Variants in TANGO2 observed in about 807,000 individuals in gnomAD.
TANGO2 encodes the protein transport and golgi organization 2 homolog.
TANGO2 carries 26 observed loss-of-function variants against 39.1 expected under a neutral mutation model. The observed-to-expected ratio is 0.67, with a 90% CI of 0.49 to 0.92. TANGO2 has a LOEUF of 0.92. TANGO2 is among the 40% of genes least tolerant of loss of function. The pLI is 0.00. For synonymous variants in TANGO2, 131 were observed against 144.5 expected (o/e 0.91, Z 0.67); for missense variants, 326 against 360.1 (o/e 0.91, Z 0.77).
intron 3 of TANGO2, among the ~76,000 whole-genome samples, chr22:20,050,412 A>G (rs2046105924): frequency 2.4e-5 from 3 of 123,424 alleles, no homozygotes. Context: ...TGCCCAGGCT[A>G]GAGTGCAATG....
chr22:20,041,503 G>A (rs893888298), intron 2 of TANGO2, among the ~76,000 whole-genome samples: 1 of 152,034 alleles, frequency 6.6e-6, no homozygotes, highest in African/African-American at 2.4e-5. Flanking sequence ...TAGTAGAGAC[G>A]GGGTTTTACC....
intron 3 of TANGO2, among the ~76,000 whole-genome samples, chr22:20,045,737 A>G (rs1316909133): frequency 1.3e-5 from 2 of 152,048 alleles, no homozygotes; most frequent in Non-Finnish European, 2.9e-5. Flanking sequence ...TCCCGACCTC[A>G]GGTGATCCGC....
intron 3 of TANGO2, among the ~76,000 whole-genome samples, chr22:20,048,924 C>A (rs912835190): frequency 6.6e-6 from 1 of 152,146 alleles, no homozygotes; most frequent in East Asian, 1.9e-4. Flanking sequence ...GGATTACAGG[C>A]GTGAGCCACT....
chr22:20,063,103 C>A, intron 7 of TANGO2: 1 of 466,074 alleles, frequency 2.1e-6, no homozygotes, highest in Non-Finnish European at 3.8e-6. Flanking sequence ...TTGCAGTGAG[C>A]CAAGATCGTA....
chr22:20,055,970 C>T lies in TANGO2; in HGVS notation c.408C>T (p.Tyr136=), dbSNP rs2047252228. The T allele has an allele frequency of 1.9e-6, 3 of 1,614,134 alleles. No individual in the cohort carries two copies. In the East Asian group the frequency reaches 6.7e-5, roughly 36 times the overall value. ...LSTAKGDVIC[Y]YGNRGEPDPI... is the part of the protein sequence containing the mutation. ...CAGCAAAGGGAGACGTCATTTGCTA[C>T]TATGGGAACCGAGGGGAGCCTGATC... Residue 136 remains tyrosine (Y), a synonymous_variant, in exon 6 of 9, where the codon TAC becomes TAT. Transcript: ENST00000327374.
At chr22:20,021,579 G>T (rs2039684729) in intron 1 of TANGO2, among the ~76,000 whole-genome samples, 2 of 152,230 alleles carry the variant, frequency 1.3e-5, no homozygotes, top group South Asian at 4.1e-4. Context: ...CCTGCTGCGG[G>T]CCAGCAGGGT....
chr22:20,039,335 C>T (rs912967469), intron 2 of TANGO2, among the ~76,000 whole-genome samples: 18 of 151,958 alleles, frequency 1.2e-4, no homozygotes, highest in Non-Finnish European at 2.2e-4. Context: ...TCTTTCAAAA[C>T]TGCCTGTTTA....
At chr22:20,030,030 G>T (rs2531722) in intron 1 of TANGO2, among the ~76,000 whole-genome samples, 1 of 152,106 alleles carries the variant, frequency 6.6e-6, no homozygotes, top group Non-Finnish European at 1.5e-5. Flanking sequence ...GCTCCAGGAG[G>T]CAGTGGTACA....
rs544274351 is a variant in TANGO2 at position 20,064,804 on chromosome 22, C to T, written c.*142C>T. On this transcript the variant is annotated 3_prime_UTR_variant, in exon 9 of 9. Coordinates refer to ENST00000327374, the MANE Select transcript of TANGO2 (RefSeq NM_152906.7). ...CCCCGGATCAGGGCCCTGTGGTTTG[C>T]GTGTTACCCATCTGTGTCCCCATGC... 23 of 1,075,000 alleles carry T rather than the reference C, an allele frequency of 2.1e-5. No individual in the cohort carries two copies. The highest frequency in any genetic ancestry group is 1.9e-4 in the Admixed American group (7 of 36,028). 66.6% of individuals were successfully genotyped at this position (1,075,000 alleles called of 1,614,324 possible).
intron 4 of TANGO2, 136 bp downstream of exon 4, chr22:20,052,720 G>A: frequency 8.6e-7 from 1 of 1,167,542 alleles, no homozygotes; most frequent in South Asian, 1.5e-5. Flanking sequence ...GAAGTGCCAA[G>A]GTGCTTGTGC....
At chr22:20,027,781 TTTA>T (rs2041066429) in intron 1 of TANGO2, among the ~76,000 whole-genome samples, 2 of 151,700 alleles carry the variant, frequency 1.3e-5, no homozygotes, top group Non-Finnish European at 2.9e-5. Context: ...CTAATTTTAT[TTTA>T]TTATTATTTA....
intron 1 of TANGO2, among the ~76,000 whole-genome samples, chr22:20,033,905 GCTTCCT>G: frequency 6.6e-6 from 1 of 152,214 alleles, no homozygotes; most frequent in African/African-American, 2.4e-5. Flanking sequence ...TTCTAAAATA[GCTTCCT>G]AAGAGTTCTT....
At chr22:20,056,533 G>A (rs189907760) in intron 6 of TANGO2, 76 of 456,782 alleles carry the variant, frequency 1.7e-4, no homozygotes, top group Non-Finnish European at 2.9e-4. Flanking sequence ...GGCCCTTCCT[G>A]CCCTGGCTCT....
chr22:20,033,180 C>G (rs1338434378), intron 1 of TANGO2: 2 of 520,588 alleles, frequency 3.8e-6, no homozygotes, highest in Non-Finnish European at 7.9e-6. Context: ...CCTGATGGTC[C>G]CCTCCCCAGG....
chr22:20,051,730 G>T (rs2046377529), intron 3 of TANGO2, among the ~76,000 whole-genome samples: 1 of 151,848 alleles, frequency 6.6e-6, no homozygotes, highest in Non-Finnish European at 1.5e-5. Context: ...GTACCTGCCT[G>T]TGGTCCCAGC....
chr22:20,064,030 C>G (rs1456331351), intron 8 of TANGO2, among the ~76,000 whole-genome samples: 4 of 152,210 alleles, frequency 2.6e-5, no homozygotes, highest in African/African-American at 9.6e-5. Flanking sequence ...AAGCCCACGG[C>G]AGAGAGGGTT....
chr22:20,052,813 A>C (rs929844270), intron 4 of TANGO2, among the ~76,000 whole-genome samples: 1 of 152,048 alleles, frequency 6.6e-6, no homozygotes, highest in African/African-American at 2.4e-5. Context: ...GTGGCAGGGC[A>C]GGGCCCAGGT....
chr22:20,056,484 G>A (rs1161764695), intron 6 of TANGO2: 1 of 457,726 alleles, frequency 2.2e-6, no homozygotes, highest in Non-Finnish European at 4.4e-6. Context: ...CATCCTCAGG[G>A]CCTCGAGCCC....
intron 1 of TANGO2, 111 bp from the exon 2 acceptor site, chr22:20,036,649 G>A (rs922720474): frequency 1.9e-5 from 17 of 901,752 alleles, no homozygotes; most frequent in Non-Finnish European, 2.6e-5. Context: ...CACCCAGCAA[G>A]TAGTACAGAC....
Sources: allele counts gnomAD v4.1 joint callset (sites outside exome capture counted in the v4.1 genomes callset), GRCh38; gene constraint gnomAD v4.1.1; transcripts MANE v1.5; gene names NCBI Gene and HGNC (gene_info 2026-07-23, HGNC 2026-07-21).